Variants in SHROOM3 observed in about 807,000 individuals in gnomAD.
SHROOM3 encodes the protein shroom family member 3, also known as protein Shroom3.
SHROOM3 carries 47 observed loss-of-function variants against 138.6 expected under a neutral mutation model. That is an observed-to-expected ratio of 0.34 (90% CI 0.27 to 0.43). The LOEUF (loss-of-function observed/expected upper bound fraction) is 0.43, where lower values mean the gene tolerates loss of function less well. Ranked by LOEUF, SHROOM3 falls within the 20% of genes least tolerant of loss-of-function variation. SHROOM3 has a pLI of 1.00. For missense variants in SHROOM3, 2,491 were observed against 2,596.5 expected, an observed-to-expected ratio of 0.96 and a Z score of 0.88; for synonymous variants, 1,062 against 1,063.3, an observed-to-expected ratio of 1.00 and a Z score of 0.02.
At chr4:76,600,484 A>G (rs900068046) in intron 2 of SHROOM3, among the ~76,000 whole-genome samples, 4 of 152,212 alleles carry the variant, frequency 2.6e-5, no homozygotes, top group Non-Finnish European at 5.9e-5. Flanking sequence ...CTAGGATACA[A>G]TAGGCCACTG....
intron 2 of SHROOM3, among the ~76,000 whole-genome samples, chr4:76,694,820 C>T (rs1719673845): frequency 6.6e-6 from 1 of 152,186 alleles, no homozygotes; most frequent in Non-Finnish European, 1.5e-5. Context: ...CTGTCTAATA[C>T]GTTTTGTGCT....
At position 76,471,451 on chromosome 4, in the gene SHROOM3, C is replaced by G. The variant is rs1421651839; in HGVS notation, c.168+35231C>G. On this transcript the variant is annotated intron_variant, in intron 1 of 10. Coordinates refer to ENST00000296043, the MANE Select transcript of SHROOM3 (RefSeq NM_020859.4). ...TAGAGATGGGTTTTCACCATGTTAGCCAGGATGGTCTCGATCTCCTGACCT... is the reference window on the plus strand; with the variant it reads ...TAGAGATGGGTTTTCACCATGTTAGGCAGGATGGTCTCGATCTCCTGACCT... Among the ~76,000 whole-genome samples, 10 of 152,206 alleles carry G rather than the reference C, an allele frequency of 6.6e-5. No individual in the cohort carries two copies. The East Asian group carries it at 1.5e-3, about 24-fold the overall frequency.
At chr4:76,586,797 AC>A (rs1429364432) in intron 2 of SHROOM3, among the ~76,000 whole-genome samples, 6 of 152,194 alleles carry the variant, frequency 3.9e-5, no homozygotes, top group Non-Finnish European at 8.8e-5. Context: ...ATATATGCTA[AC>A]TTGTATAATA....
At chr4:76,498,372 AAG>A (rs1732013589) in intron 1 of SHROOM3, among the ~76,000 whole-genome samples, 2 of 152,082 alleles carry the variant, frequency 1.3e-5, no homozygotes, top group African/African-American at 4.8e-5. Flanking sequence ...GGGAGAAAGA[AAG>A]AGAGAGAGAA....
intron 1 of SHROOM3, among the ~76,000 whole-genome samples, chr4:76,489,298 T>C (rs1028294926): frequency 5.9e-5 from 9 of 152,290 alleles, no homozygotes; most frequent in Non-Finnish European, 1.3e-4. Context: ...TGGTGGCTGG[T>C]TCATAGAAAC....
intron 2 of SHROOM3, among the ~76,000 whole-genome samples, chr4:76,570,346 T>C (rs1457592359): frequency 1.3e-5 from 2 of 152,174 alleles, no homozygotes; most frequent in African/African-American, 4.8e-5. Flanking sequence ...CTGTGCTGAC[T>C]TGATGAGGCA....
chr4:76,627,224 C>T (rs368842090), intron 2 of SHROOM3, among the ~76,000 whole-genome samples: 3 of 152,158 alleles, frequency 2.0e-5, no homozygotes, highest in South Asian at 4.1e-4. Context: ...AGGAGGTTAA[C>T]ACGTGAACTT....
chr4:76,476,324 C>G (rs374734805), intron 1 of SHROOM3, among the ~76,000 whole-genome samples: 1 of 152,184 alleles, frequency 6.6e-6, no homozygotes, highest in East Asian at 1.9e-4. Flanking sequence ...CCTAGACTCT[C>G]AAAGCCATTT....
At chr4:76,528,828 A>G (rs767480468) in intron 1 of SHROOM3, among the ~76,000 whole-genome samples, 2 of 152,154 alleles carry the variant, frequency 1.3e-5, no homozygotes, top group Non-Finnish European at 2.9e-5. Flanking sequence ...TGCTGGGATT[A>G]CAGGTGTGGG....
chr4:76,519,624 G>A (rs1451620028), intron 1 of SHROOM3, among the ~76,000 whole-genome samples: 1 of 152,154 alleles, frequency 6.6e-6, no homozygotes, highest in African/African-American at 2.4e-5. Flanking sequence ...GAGGGAAACT[G>A]TGCTGGGCTT....
In SHROOM3 at chr4:76,741,301, A is replaced by G. The variant is rs1165630347; in HGVS notation, c.3128A>G (p.Gln1043Arg). The change falls in exon 5 of 11, where the codon CAG (glutamine) becomes CGG (arginine). Residue 1043 changes from glutamine (Q) to arginine (R), a missense_variant. Gln to Arg is a conservative substitution (Grantham distance 43, BLOSUM62 1). Coordinates refer to ENST00000296043, the MANE Select transcript of SHROOM3 (RefSeq NM_020859.4). This position sits in a 1 kb window ranked among gnomAD's most constrained non-coding sequence, Gnocchi z 6.2. ...GCCGAACCGGCACCCCTGGGCCCGC[A>G]GAGAAATGGGATGCGTTTCCCGGAG... Reference protein sequence around the residue: ...EEAEPAPLGPQRNGMRFPESS... With the variant: ...EEAEPAPLGPRRNGMRFPESS... The G allele has an allele frequency of 3.7e-6, 6 of 1,611,924 alleles. No individual in the cohort carries two copies. Among genetic ancestry groups the G allele is most frequent in the Non-Finnish European group, 5.1e-6 (6 of 1,179,672 alleles).
intron 1 of SHROOM3, among the ~76,000 whole-genome samples, chr4:76,453,477 A>C (rs1250953318): frequency 6.6e-6 from 1 of 151,788 alleles, no homozygotes; most frequent in African/African-American, 2.4e-5. Flanking sequence ...ATGGGGTCTC[A>C]CTATGTTGCC....
Position 76,584,118 on chromosome 4 carries a change from C to A in SHROOM3, c.323+28355C>A, listed in dbSNP as rs539316430. Among the ~76,000 whole-genome samples the A allele has an allele frequency of 4.6e-5, 7 of 152,156 alleles. 1 individual carries two copies. Among genetic ancestry groups the A allele is most frequent in the Admixed American group, 3.9e-4 (6 of 15,292 alleles). Reference sequence around the variant, plus strand: ...TCACCTGAGGTCAGGAGTTCAAAACCAGTCTGGCCAACACGGTGAAACCCC... The same window carrying A: ...TCACCTGAGGTCAGGAGTTCAAAACAAGTCTGGCCAACACGGTGAAACCCC... On this transcript the variant is annotated intron_variant, in intron 2 of 10. Coordinates refer to ENST00000296043, the MANE Select transcript of SHROOM3 (RefSeq NM_020859.4).
In SHROOM3 at chr4:76,762,661, A is replaced by ATGTT. The variant is rs370359204; in HGVS notation, c.5349+2967_5349+2970dup. On this transcript the variant is annotated intron_variant, in intron 9 of 10. Coordinates refer to ENST00000296043, the MANE Select transcript of SHROOM3 (RefSeq NM_020859.4). ...GTTTGCATCACTTTGTGAGTGTAAA[A>ATGTT]TGTTAGGCTCATAAATGCTTAGTGA... Among the ~76,000 whole-genome samples the ATGTT allele has an allele frequency of 4.5e-4, 69 of 152,332 alleles. 2 individuals are homozygous for ATGTT. Among genetic ancestry groups the ATGTT allele is most frequent in the African/African-American group, 1.5e-3 (63 of 41,570 alleles).
chr4:76,518,351 A>G (rs1412562554), intron 1 of SHROOM3, among the ~76,000 whole-genome samples: 1 of 152,110 alleles, frequency 6.6e-6, no homozygotes, highest in Admixed American at 6.5e-5. Context: ...CACTCCATAA[A>G]TCTTTGTTGT....
intron 1 of SHROOM3, among the ~76,000 whole-genome samples, chr4:76,455,770 A>C (rs977559451): frequency 1.3e-5 from 2 of 152,184 alleles, no homozygotes; most frequent in Non-Finnish European, 2.9e-5. Context: ...TCAATGTAGT[A>C]ATTTCATATC....
At chr4:76,517,188 T>C (rs1356736976) in intron 1 of SHROOM3, among the ~76,000 whole-genome samples, 1 of 152,172 alleles carries the variant, frequency 6.6e-6, no homozygotes, top group Non-Finnish European at 1.5e-5. Flanking sequence ...ACATGGAAAA[T>C]GTCTGCCAGA....
chr4:76,669,554 C>T (rs1718815529), intron 2 of SHROOM3, among the ~76,000 whole-genome samples: 2 of 150,866 alleles, frequency 1.3e-5, no homozygotes, highest in South Asian at 4.2e-4. Context: ...GTAGAGGTTG[C>T]AGTGAGCCGA....
intron 2 of SHROOM3, among the ~76,000 whole-genome samples, chr4:76,583,155 G>A (rs111428612): frequency 6.6e-6 from 1 of 152,176 alleles, no homozygotes; most frequent in African/African-American, 2.4e-5. Context: ...GGGGAGCAGC[G>A]TGGTGTGGAT....
Sources: allele counts gnomAD v4.1 joint callset (sites outside exome capture counted in the v4.1 genomes callset), GRCh38; gene constraint gnomAD v4.1.1; non-coding constraint Gnocchi (gnomAD v3.1); transcripts MANE v1.5; gene names NCBI Gene and HGNC (gene_info 2026-07-23, HGNC 2026-07-21).